SNX29: variants seen among roughly 807,000 people sequenced by gnomAD.
SNX29 encodes sorting nexin 29, also known as sorting nexin-29.
A neutral mutation model predicts 102.1 loss-of-function variants in SNX29; 78 were observed. That is an observed-to-expected ratio of 0.76 (90% CI 0.64 to 0.92). SNX29 has a LOEUF of 0.92. SNX29 is among the 40% of genes least tolerant of loss of function. The probability of loss-of-function intolerance (pLI) is 0.00; values close to 1 mark genes in which losing one functional copy is unlikely to be tolerated. For synonymous variants in SNX29, 580 were observed against 414.5 expected (o/e 1.40, Z -4.85); for missense variants, 1,280 against 1,061.7 (o/e 1.21, Z -2.86).
intron 11 of SNX29, among the ~76,000 whole-genome samples, chr16:12,111,728 T>C (rs944930331): frequency 6.6e-6 from 1 of 152,060 alleles, no homozygotes; most frequent in East Asian, 1.9e-4. Flanking sequence ...GCAGGAGGCA[T>C]GAGAGTCATT....
In SNX29 at chr16:12,360,443, C is replaced by A. The variant is rs569699051; in HGVS notation, c.1899+4164C>A. Among the ~76,000 whole-genome samples the A allele has an allele frequency of 3.3e-5, 5 of 152,284 alleles. No homozygotes were observed. In the South Asian group the frequency reaches 1.0e-3, roughly 32 times the overall value. On this transcript the variant is annotated intron_variant, in intron 16 of 20. Coordinates refer to ENST00000566228, the MANE Select transcript of SNX29 (RefSeq NM_032167.5). Reference sequence around the variant, plus strand: ...GTTTGTCATGTTCCTCTGTCCCTTACCTTGCCTTTAAATTGGTCATTCACT... The same window carrying A: ...GTTTGTCATGTTCCTCTGTCCCTTAACTTGCCTTTAAATTGGTCATTCACT...
chr16:12,570,221 A>T lies in SNX29; in HGVS notation c.*1592A>T, dbSNP rs573620044. ...CTTCCAAGGGGACCTGGGGCCAGAT[A>T]AGCCCTGCCCCGGTGAGACCAAATG... On this transcript the variant is annotated 3_prime_UTR_variant, in exon 21 of 21. Coordinates refer to ENST00000566228, the MANE Select transcript of SNX29 (RefSeq NM_032167.5). 1 of 1,064,678 alleles carries T rather than the reference A, an allele frequency of 9.4e-7. No homozygotes were observed. The highest frequency in any genetic ancestry group is 1.6e-5 in the African/African-American group (1 of 61,036). 66.0% of individuals were successfully genotyped at this position (1,064,678 alleles called of 1,614,324 possible).
chr16:12,449,772 G>C (rs1279419977), intron 18 of SNX29, among the ~76,000 whole-genome samples: 2 of 152,212 alleles, frequency 1.3e-5, no homozygotes, highest in Non-Finnish European at 2.9e-5. Context: ...TGCAACTCCA[G>C]TGAACTTTCC....
chr16:12,557,857 G>C (rs958804973), intron 20 of SNX29, among the ~76,000 whole-genome samples: 1 of 152,166 alleles, frequency 6.6e-6, no homozygotes, highest in African/African-American at 2.4e-5. Context: ...CATGACCATA[G>C]CCATTCCAGC....
intron 20 of SNX29, among the ~76,000 whole-genome samples, chr16:12,549,895 G>GA (rs2077858716): frequency 6.6e-6 from 1 of 152,252 alleles, no homozygotes; most frequent in African/African-American, 2.4e-5. Flanking sequence ...ACAGAGATCA[G>GA]AAAATGATGG....
chr16:12,259,249 A>G (rs1184856453), intron 14 of SNX29, among the ~76,000 whole-genome samples: 1 of 151,986 alleles, frequency 6.6e-6, no homozygotes, highest in East Asian at 1.9e-4. Context: ...AAAAAAATGC[A>G]CTCCGCTTCC....
intron 20 of SNX29, among the ~76,000 whole-genome samples, chr16:12,550,397 T>G (rs1362791169): frequency 2.0e-5 from 3 of 152,074 alleles, no homozygotes; most frequent in African/African-American, 4.8e-5. Flanking sequence ...TAGCCAGGCA[T>G]GGTGGTGCAC....
rs1019789397 is a variant in SNX29 at position 12,129,571 on chromosome 16, C to T, written c.1467-59C>T. ...CTTGACTTATGTTAGGAACTGTGTCCTGGGCTCAGTGGGGTCTGGGTTGAC... is the reference window on the plus strand; with the variant it reads ...CTTGACTTATGTTAGGAACTGTGTCTTGGGCTCAGTGGGGTCTGGGTTGAC... On this transcript the variant is annotated intron_variant, in intron 12 of 20. Transcript: ENST00000566228. The T allele has an allele frequency of 5.2e-6, 8 of 1,545,144 alleles. No homozygotes were observed. In the African/African-American group the frequency reaches 9.6e-5, roughly 18 times the overall value.
intron 20 of SNX29, among the ~76,000 whole-genome samples, chr16:12,552,146 C>T (rs1341542799): frequency 6.6e-6 from 1 of 152,200 alleles, no homozygotes; most frequent in Non-Finnish European, 1.5e-5. Flanking sequence ...GGCCACATTC[C>T]AGTACAGCTT....
intron 16 of SNX29, among the ~76,000 whole-genome samples, chr16:12,362,561 C>CG (rs2082334098): frequency 2.9e-5 from 1 of 34,376 alleles, no homozygotes; most frequent in African/African-American, 9.1e-5. Context: ...ACTCCCCCCC[C>CG]ACCCCCCCCC....
rs951607966 is a variant in SNX29, at chr16:12,467,899, G to A, written c.2038-9820G>A. 5.9e-5 allele frequency among the ~76,000 whole-genome samples: 9 copies of A among 152,280 alleles called. No individual in the cohort carries two copies. The South Asian group carries it at 1.0e-3, about 18-fold the overall frequency. ...CTCACGGAGTGAGGGGATAGGCATC[G>A]AGGCTGTCCAGGGACAGGGCACTCC... On this transcript the variant is annotated intron_variant, in intron 18 of 20. Coordinates refer to ENST00000566228, the MANE Select transcript of SNX29 (RefSeq NM_032167.5).
chr16:12,149,104 G>A (rs1205763039), intron 13 of SNX29, among the ~76,000 whole-genome samples: 1 of 152,180 alleles, frequency 6.6e-6, no homozygotes, highest in Admixed American at 6.5e-5. Flanking sequence ...GAATAAATGA[G>A]CATTTGTCAG....
intron 4 of SNX29, among the ~76,000 whole-genome samples, chr16:12,041,489 C>T (rs2049877817): frequency 6.6e-6 from 1 of 152,196 alleles, no homozygotes; most frequent in Non-Finnish European, 1.5e-5. Flanking sequence ...ATTTATTCTC[C>T]CACAGTTCTG....
intron 15 of SNX29, among the ~76,000 whole-genome samples, chr16:12,318,655 G>A (rs1369553757): frequency 6.6e-6 from 1 of 152,054 alleles, no homozygotes; most frequent in Non-Finnish European, 1.5e-5. Context: ...TGCGCTGCTT[G>A]TTCTTATGGC....
chr16:12,440,235 T>G (rs2085739551), intron 18 of SNX29, among the ~76,000 whole-genome samples: 2 of 152,164 alleles, frequency 1.3e-5, no homozygotes, highest in African/African-American at 2.4e-5. Flanking sequence ...AAAAGAGATA[T>G]TCACAAACCA....
chr16:12,040,426 G>T (rs1313590827), intron 4 of SNX29, among the ~76,000 whole-genome samples: 1 of 152,152 alleles, frequency 6.6e-6, no homozygotes, highest in Non-Finnish European at 1.5e-5. Flanking sequence ...CTGTGTACAT[G>T]TGGATAAAAA....
chr16:12,235,763 G>A (rs1253718692), intron 14 of SNX29, among the ~76,000 whole-genome samples: 1 of 151,852 alleles, frequency 6.6e-6, no homozygotes, highest in Non-Finnish European at 1.5e-5. Flanking sequence ...CAATAAAGGT[G>A]GATGAAAACA....
intron 11 of SNX29, among the ~76,000 whole-genome samples, chr16:12,094,056 C>T (rs1450402177): frequency 1.3e-5 from 2 of 152,162 alleles, no homozygotes; most frequent in African/African-American, 4.8e-5. Context: ...TTACGCACAT[C>T]CCTACATGTA....
chr16:12,481,361 A>T (rs147762152), intron 19 of SNX29, among the ~76,000 whole-genome samples: 184 of 151,936 alleles, frequency 1.2e-3, no homozygotes, highest in African/African-American at 4.2e-3. Flanking sequence ...AAGCTGGTTG[A>T]ACTGTGATTG....
Sources: allele counts gnomAD v4.1 joint callset (sites outside exome capture counted in the v4.1 genomes callset), GRCh38; gene constraint gnomAD v4.1.1; transcripts MANE v1.5; gene names NCBI Gene and HGNC (gene_info 2026-07-23, HGNC 2026-07-21).